The following P3H4 variants were observed in gnomAD, a reference collection of about 807,000 sequenced individuals.
The protein encoded by P3H4 is endoplasmic reticulum protein SC65.
P3H4 carries 47 observed loss-of-function variants against 52.9 expected under a neutral mutation model. That is an observed-to-expected ratio of 0.89 (90% CI 0.70 to 1.13). P3H4 has a LOEUF of 1.13. Ranked by LOEUF, P3H4 falls within the 50% of genes most tolerant of loss-of-function variation. P3H4 has a pLI of 0.00. For missense variants in P3H4, 585 were observed against 611.0 expected (o/e 0.96, Z 0.45); for synonymous variants, 256 against 267.9 (o/e 0.96, Z 0.44).
chr17:41,803,541 G>T, intron 6 of P3H4, 110 bp from the exon 7 acceptor site: 1 of 933,030 alleles, frequency 1.1e-6, no homozygotes. Flanking sequence ...GGTCCCCAAA[G>T]CCCCTCCCCC....
chr17:41,803,073 C>T (rs2047634998), intron 7 of P3H4, 94 bp from the exon 8 acceptor site: 2 of 1,507,578 alleles, frequency 1.3e-6, no homozygotes, highest in African/African-American at 1.4e-5. Flanking sequence ...GGTGAGGCTC[C>T]CCCGGACAGG....
chr17:41,803,436 A>C lies in P3H4; in HGVS notation c.1147-5T>G, dbSNP rs1432552997. On this transcript the variant is annotated splice_region_variant and splice_polypyrimidine_tract_variant and intron_variant, in intron 6 of 7. Coordinates refer to ENST00000393928, the MANE Select transcript of P3H4 (RefSeq NM_006455.3). ...TTCTGTCTCCTCCAGCTCCATCTAG[A>C]GTAGCGCCACGGTTGTGGGAGAAAC... 6.2e-7 allele frequency: 1 copy of C among 1,612,960 alleles called. No homozygotes were observed. Among genetic ancestry groups the C allele is most frequent in the Non-Finnish European group, 8.5e-7 (1 of 1,179,540 alleles).
chr17:41,810,633 A>C (rs2047719786), intron 3 of P3H4: 1 of 531,620 alleles, frequency 1.9e-6, no homozygotes, highest in Non-Finnish European at 3.3e-6. Context: ...AAGGCCTATG[A>C]ACCCAAGCTT....
In P3H4 at chr17:41,809,738, A is replaced by C. The variant is rs1213255724; in HGVS notation, c.884T>G (p.Met295Arg). The C allele has an allele frequency of 6.2e-7, 1 of 1,613,616 alleles. No individual in the cohort carries two copies. Among genetic ancestry groups the C allele is most frequent in the Non-Finnish European group, 8.5e-7 (1 of 1,179,974 alleles). The change falls in exon 4 of 8, where the codon ATG becomes AGG. Residue 295 changes from methionine to arginine, a missense_variant. Met to Arg is a moderately conservative substitution (Grantham distance 91, BLOSUM62 -1). Transcript: ENST00000393928. ...GTAGGCAAACTGCAGGTAGTGGTACATGGTGGCCACGAACTTGTCCACGAA... is the reference window on the plus strand; with the variant it reads ...GTAGGCAAACTGCAGGTAGTGGTACCTGGTGGCCACGAACTTGTCCACGAA... The part of the protein sequence containing the change: ...GYFVDKFVAT[M>R]YHYLQFAYYK...
intron 5 of P3H4, 41 bp downstream of exon 5, chr17:41,807,818 A>T: frequency 6.3e-7 from 1 of 1,578,512 alleles, no homozygotes; most frequent in Non-Finnish European, 8.6e-7. Flanking sequence ...CATTTTTTAC[A>T]AAGTGCATAT....
intron 6 of P3H4, among the ~76,000 whole-genome samples, chr17:41,806,255 A>G (rs2047673723): frequency 1.3e-5 from 2 of 152,066 alleles, no homozygotes; most frequent in South Asian, 2.1e-4. Context: ...AAATAAATCA[A>G]TGTAATACAA....
chr17:41,805,682 A>G (rs569281577), intron 6 of P3H4, among the ~76,000 whole-genome samples: 1 of 152,206 alleles, frequency 6.6e-6, no homozygotes, highest in African/African-American at 2.4e-5. Context: ...TCCCCATTCA[A>G]TGGATGAAGA....
intron 6 of P3H4, among the ~76,000 whole-genome samples, chr17:41,803,777 C>T (rs2047643332): frequency 6.6e-6 from 1 of 152,142 alleles, no homozygotes; most frequent in South Asian, 2.1e-4. Context: ...GTCCCCTGTG[C>T]CTGCGTAGCC....
At chr17:41,804,593 A>AC (rs1370319494) in intron 6 of P3H4, among the ~76,000 whole-genome samples, 1 of 152,012 alleles carries the variant, frequency 6.6e-6, no homozygotes, top group African/African-American at 2.4e-5. Context: ...GCACCACTGC[A>AC]CTCCAGCCTG....
In P3H4 at chr17:41,810,644, C is replaced by A. The variant is rs998333775; in HGVS notation, c.787+219G>T. ...CTGGAAGGCCTATGAACCCAAGCTT[C>A]CCAAACCCTTTAGGGATGTCACTGC... On this transcript the variant is annotated intron_variant, in intron 3 of 7. Transcript: ENST00000393928. 8.9e-6 allele frequency: 5 copies of A among 561,768 alleles called. No individual in the cohort carries two copies. In the African/African-American group the frequency reaches 9.5e-5, roughly 11 times the overall value. 34.8% of individuals were successfully genotyped at this position (561,768 alleles called of 1,614,324 possible).
intron 7 of P3H4, 143 bp from the exon 8 acceptor site, chr17:41,803,122 C>T: frequency 7.1e-7 from 1 of 1,407,990 alleles, no homozygotes; most frequent in Non-Finnish European, 9.7e-7. Flanking sequence ...TGCTGCACCA[C>T]CACCCCCAAG....
chr17:41,811,303 G>A lies in P3H4; in HGVS notation c.463-19C>T. ...GGTTAGCCTGGTCGGGGGGTAGGGG[G>A]TGGGGGAGCGGGTCAGCAAGACCGG... On this transcript the variant is annotated intron_variant, in intron 1 of 7. Transcript: ENST00000393928. The surrounding 1 kb of genome is among the most constrained non-coding windows in gnomAD (Gnocchi z 4.8). The A allele has an allele frequency of 7.4e-6, 12 of 1,611,348 alleles. No individual in the cohort carries two copies. The highest frequency in any genetic ancestry group is 3.3e-5 in the South Asian group (3 of 91,052).
chr17:41,811,283 G>C lies in P3H4; in HGVS notation c.464C>G (p.Ala155Gly). 6.2e-7 allele frequency: 1 copy of C among 1,612,922 alleles called. No homozygotes were observed. The highest frequency in any genetic ancestry group is 8.5e-7 in the Non-Finnish European group (1 of 1,179,952). ...CGCCACCGCCTTCTCCAGCCGGTTA[G>C]CCTGGTCGGGGGGTAGGGGGTGGGG... ...YQYLHYALFK[A>G]NRLEKAVAAA... Residue 155 changes from alanine to glycine, a missense_variant and splice_region_variant, in exon 2 of 8, where the codon GCT becomes GGT. Coordinates refer to ENST00000393928, the MANE Select transcript of P3H4 (RefSeq NM_006455.3). The surrounding 1 kb of genome is among the most constrained non-coding windows in gnomAD (Gnocchi z 4.8).
At chr17:41,804,426 G>A (rs2047651961) in intron 6 of P3H4, among the ~76,000 whole-genome samples, 1 of 151,870 alleles carries the variant, frequency 6.6e-6, no homozygotes, top group African/African-American at 2.4e-5. Context: ...AGGAGTTCAA[G>A]ACCAGCCTGG....
Position 41,807,993 on chromosome 17 carries a change from G to A in P3H4, c.928C>T (p.Arg310Cys), listed in dbSNP as rs141914176. ...QFAYYKLNDV[R>C]QAARSAASYM... ...CTGGCGGCGCTGCGGGCAGCCTGGCGCACATCATTCACTGCAGCAGGACAG... is the reference window on the plus strand; with the variant it reads ...CTGGCGGCGCTGCGGGCAGCCTGGCACACATCATTCACTGCAGCAGGACAG... Residue 310 changes from arginine to cysteine, a missense_variant, in exon 5 of 8, where the codon CGC becomes TGC. By Grantham distance (180) the Arg-to-Cys change is radical (BLOSUM62 -3). Coordinates refer to ENST00000393928, the MANE Select transcript of P3H4 (RefSeq NM_006455.3). The A allele has an allele frequency of 1.7e-5, 27 of 1,613,392 alleles. No individual in the cohort carries two copies. The highest frequency in any genetic ancestry group is 9.3e-5 in the African/African-American group (7 of 74,896).
rs71155170 is a variant in P3H4, at chr17:41,810,169, C to CTTTT, written c.788-339_788-336dup. Among the ~76,000 whole-genome samples, 190 of 116,876 alleles carry CTTTT rather than the reference C, an allele frequency of 1.6e-3. 2 individuals are homozygous for CTTTT. The highest frequency in any genetic ancestry group is 4.4e-3 in the Middle Eastern group (1 of 226). The allele number at this position is 116,876 out of a possible 152,430, so 76.7% of individuals were successfully genotyped here. On this transcript the variant is annotated intron_variant, in intron 3 of 7. Coordinates refer to ENST00000393928, the MANE Select transcript of P3H4 (RefSeq NM_006455.3). Reference sequence around the variant, plus strand: ...CCAAACAGAGAAGCTAAAGGACAGTCTTTTTTTTTTTTTTTTTTTTTTGAG... The same window carrying CTTTT: ...CCAAACAGAGAAGCTAAAGGACAGTCTTTTTTTTTTTTTTTTTTTTTTTTTTGAG...
chr17:41,808,363 A>G (rs2047696069), intron 4 of P3H4, among the ~76,000 whole-genome samples: 1 of 151,988 alleles, frequency 6.6e-6, no homozygotes, highest in African/African-American at 2.4e-5. Context: ...ACAAGCAGGC[A>G]CCACCACACC....
chr17:41,808,652 G>A (rs549415960), intron 4 of P3H4, among the ~76,000 whole-genome samples: 2 of 152,208 alleles, frequency 1.3e-5, no homozygotes, highest in African/African-American at 4.8e-5. Flanking sequence ...GCCTCCCAAA[G>A]TGCTGGGATT....
intron 7 of P3H4, 87 bp from the exon 8 acceptor site, chr17:41,803,066 G>A: frequency 2.0e-6 from 3 of 1,513,410 alleles, no homozygotes; most frequent in South Asian, 1.2e-5. Context: ...GAGGTGGGGT[G>A]AGGCTCCCCC....
Sources: gnomAD v4.1 joint callset for allele counts (sites outside exome capture counted in the v4.1 genomes callset) on GRCh38, gnomAD v4.1.1 for gene constraint, Gnocchi (gnomAD v3.1) non-coding constraint, MANE v1.5 for transcripts, NCBI Gene and HGNC (gene_info 2026-07-23, HGNC 2026-07-21) for gene names.